The following CELF5 variants were observed in gnomAD, a reference collection of about 807,000 sequenced individuals.
CELF5 encodes CUG-BP and ETR-3 like factor 5.
A neutral mutation model predicts 54.9 loss-of-function variants in CELF5; 6 were observed. The observed-to-expected ratio is 0.11, with a 90% CI of 0.06 to 0.22. CELF5 has a LOEUF of 0.22. CELF5 is among the 10% of genes least tolerant of loss of function. The pLI, the probability that CELF5 is intolerant of heterozygous loss-of-function variation, is 1.00. For synonymous variants in CELF5, 271 were observed against 290.9 expected, an observed-to-expected ratio of 0.93 and a Z score of 0.70; for missense variants, 401 against 678.6, an observed-to-expected ratio of 0.59 and a Z score of 4.54.
chr19:3,295,933 A>G (rs1391290469), intron 12 of CELF5: 1 of 151,494 alleles, frequency 6.6e-6, no homozygotes, highest in Non-Finnish European at 1.5e-5. Flanking sequence ...CCTTCGAATC[A>G]CCAGCCTCGA....
At position 3,282,255 on chromosome 19, in the gene CELF5, G is replaced by C; in HGVS notation, c.880G>C (p.Ala294Pro). Residue 294 changes from alanine to proline, a missense_variant, in exon 7 of 13, where the codon GCT becomes CCT. By Grantham distance (27) the Ala-to-Pro change is conservative (BLOSUM62 -1). Transcript: ENST00000292672. This position sits in a 1 kb window ranked among gnomAD's most constrained non-coding sequence, Gnocchi z 5.2. ...CAACGGGCTGCCTGCCACACCCATC[G>C]CTCCTGCCTCTGGTGAGCCTCCTCC... Reference protein sequence around the residue: ...SLNGLPATPIAPASGLHSPPL... With the variant: ...SLNGLPATPIPPASGLHSPPL... 1.2e-6 allele frequency: 2 copies of C among 1,612,566 alleles called. No individual in the cohort carries two copies. Among genetic ancestry groups the C allele is most frequent in the Non-Finnish European group, 8.5e-7 (1 of 1,180,030 alleles).
At chr19:3,266,965 C>T (rs533767266) in intron 2 of CELF5, among the ~76,000 whole-genome samples, 4 of 152,182 alleles carry the variant, frequency 2.6e-5, no homozygotes, top group Non-Finnish European at 5.9e-5. Context: ...CACGCCCGCA[C>T]GAGCACAGCC....
intron 10 of CELF5, among the ~76,000 whole-genome samples, chr19:3,288,065 G>A (rs1341673690): frequency 1.3e-5 from 2 of 152,196 alleles, no homozygotes; most frequent in Non-Finnish European, 2.9e-5. Flanking sequence ...GTGGGAGGGT[G>A]TGTGGCATGC....
rs1278030051 is a variant in CELF5 at position 3,235,789 on chromosome 19, A to AATGGATGGATGGATGG, written c.259+10803_259+10818dup. Among the ~76,000 whole-genome samples, 224 of 50,758 alleles carry AATGGATGGATGGATGG rather than the reference A, an allele frequency of 4.4e-3. 4 individuals are homozygous for AATGGATGGATGGATGG. The South Asian group carries it at 0.048, about 11-fold the overall frequency. 33.3% of individuals were successfully genotyped at this position (50,758 alleles called of 152,430 possible). A position where few individuals can be genotyped will look rare whatever the true frequency, so the allele number is the denominator to read the frequency against. On this transcript the variant is annotated intron_variant, in intron 1 of 12. Transcript: ENST00000292672. ...GGGTGGATAGATGGATGGATGGATGAATGGATGGATGGATGGATGGATGGA... is the reference window on the plus strand; with the variant it reads ...GGGTGGATAGATGGATGGATGGATGAATGGATGGATGGATGGATGGATGGATGGATGGATGGATGGA...
At chr19:3,225,637 G>A (rs1487905756) in intron 1 of CELF5, 22 of 975,986 alleles carry the variant, frequency 2.3e-5, no homozygotes, top group Non-Finnish European at 2.7e-5. Flanking sequence ...AAAGGAAGAC[G>A]GGTTGGGGGC....
At position 3,285,936 on chromosome 19, in the gene CELF5, C is replaced by T. The variant is rs755280485; in HGVS notation, c.1103-6C>T. Reference sequence around the variant, plus strand: ...CTCGCCCTGTGTCTCGCTCCGGTCTCCGCAGCCATGTACCCCACCGCGGCC... The same window carrying T: ...CTCGCCCTGTGTCTCGCTCCGGTCTTCGCAGCCATGTACCCCACCGCGGCC... On this transcript the variant is annotated splice_polypyrimidine_tract_variant and splice_region_variant and intron_variant, in intron 9 of 12. Transcript: ENST00000292672. 1.9e-6 allele frequency: 3 copies of T among 1,573,358 alleles called. No individual in the cohort carries two copies. The highest frequency in any genetic ancestry group is 3.6e-5 in the Admixed American group (2 of 55,158).
chr19:3,286,422 C>CT (rs1287710799), intron 10 of CELF5: 1 of 202,784 alleles, frequency 4.9e-6, no homozygotes, highest in African/African-American at 2.3e-5. Flanking sequence ...ATTCTGGAGT[C>CT]TGACAGTCAG....
intron 9 of CELF5, 77 bp from the exon 10 acceptor site, chr19:3,285,865 C>CA: frequency 2.9e-6 from 3 of 1,032,168 alleles, no homozygotes; most frequent in Non-Finnish European, 4.0e-6. Context: ...GCCCCGCCCC[C>CA]TCCCCGCCCA....
At chr19:3,253,274 A>G (rs1361808391) in intron 2 of CELF5, among the ~76,000 whole-genome samples, 1 of 152,176 alleles carries the variant, frequency 6.6e-6, no homozygotes, top group Non-Finnish European at 1.5e-5. Flanking sequence ...AAAGACTTCA[A>G]ACAATAAGCA....
intron 2 of CELF5, among the ~76,000 whole-genome samples, chr19:3,261,807 T>A (rs1265941707): frequency 6.6e-6 from 1 of 151,064 alleles, no homozygotes; most frequent in Non-Finnish European, 1.5e-5. Flanking sequence ...GGCAGTGGAG[T>A]TTTATTTTTG....
intron 10 of CELF5, among the ~76,000 whole-genome samples, chr19:3,289,900 T>C (rs2080314887): frequency 6.6e-6 from 1 of 151,994 alleles, no homozygotes; most frequent in Admixed American, 6.6e-5. Flanking sequence ...GTGGCCTTCC[T>C]CGGGGTTTTC....
chr19:3,265,855 A>G (rs312935), intron 2 of CELF5, among the ~76,000 whole-genome samples: 137,126 of 152,034 alleles, frequency 0.9, 62,101 homozygotes, highest in East Asian at 1. Flanking sequence ...CATCCAGGCC[A>G]GAGTGTGATG....
chr19:3,285,028 CAGG>C (rs2080215080), intron 9 of CELF5, 64 bp downstream of exon 9: 124 of 1,297,538 alleles, frequency 9.6e-5, no homozygotes, highest in Admixed American at 5.0e-4. Context: ...GCCCCGCCCC[CAGG>C]GCCCGCCCCG....
intron 1 of CELF5, 21 bp downstream of exon 1, chr19:3,225,019 C>G: frequency 5.2e-6 from 7 of 1,358,096 alleles, no homozygotes; most frequent in Non-Finnish European, 6.9e-6. Context: ...GGCCCCCTCC[C>G]CCCTCTCCCC....
chr19:3,273,826 A>C, intron 2 of CELF5, 46 bp from the exon 3 acceptor site: 627 of 1,196,094 alleles, frequency 5.2e-4, no homozygotes, highest in Non-Finnish European at 7.2e-4. Context: ...CGCCTGCCAC[A>C]CCCCCACTGC....
chr19:3,287,512 T>C (rs1292983202), intron 10 of CELF5, among the ~76,000 whole-genome samples: 2 of 150,248 alleles, frequency 1.3e-5, no homozygotes, highest in Admixed American at 6.7e-5. Flanking sequence ...TGAGCCAAGA[T>C]TGCGCCACTG....
rs1233057311 is a variant in CELF5, at chr19:3,228,632, G to C, written c.259+3634G>C. 1.3e-5 allele frequency among the ~76,000 whole-genome samples: 2 copies of C among 151,700 alleles called. No individual in the cohort carries two copies. Among genetic ancestry groups the C allele is most frequent in the East Asian group, 3.9e-4 (2 of 5,156 alleles). On this transcript the variant is annotated intron_variant, in intron 1 of 12. Coordinates refer to ENST00000292672, the MANE Select transcript of CELF5 (RefSeq NM_021938.4). This position sits in a 1 kb window ranked among gnomAD's most constrained non-coding sequence, Gnocchi z 6.0. The stretch of plus-strand genomic sequence containing the variant: ...GGTGCAGGTGGGGGGGGGGCCCGGC[G>C]GGGGCCCGGGTGGGGGCCCGCGGTT...
At chr19:3,261,146 G>T (rs940971930) in intron 2 of CELF5, among the ~76,000 whole-genome samples, 5 of 152,240 alleles carry the variant, frequency 3.3e-5, no homozygotes, top group African/African-American at 1.2e-4. Flanking sequence ...CAGGTCGGGT[G>T]CAGTGGTTCA....
chr19:3,277,423 G>A (rs2080074276), intron 4 of CELF5, among the ~76,000 whole-genome samples: 1 of 152,178 alleles, frequency 6.6e-6, no homozygotes, highest in African/African-American at 2.4e-5. Flanking sequence ...AGTGAGCCGA[G>A]ATCACGCCAC....
Sources: gnomAD v4.1 joint callset for allele counts (sites outside exome capture counted in the v4.1 genomes callset) on GRCh38, gnomAD v4.1.1 for gene constraint, Gnocchi (gnomAD v3.1) non-coding constraint, MANE v1.5 for transcripts, NCBI Gene and HGNC (gene_info 2026-07-23, HGNC 2026-07-21) for gene names.